AKAP19: variants seen among roughly 807,000 people sequenced by gnomAD.
AKAP19 encodes the protein A-kinase anchoring protein 19.
chr2:190,090,323 G>A, the AKAP19 span, among the ~76,000 whole-genome samples: 4 of 152,184 alleles, frequency 2.6e-5, no homozygotes, highest in Non-Finnish European at 5.9e-5. Flanking sequence ...GTGTATGACT[G>A]CTGAGACTAG....
chr2:189,900,563 G>A, the AKAP19 span, among the ~76,000 whole-genome samples: 2 of 152,098 alleles, frequency 1.3e-5, no homozygotes, highest in East Asian at 1.9e-4. Flanking sequence ...ATGTTAATTA[G>A]TAATTCTATT....
chr2:190,138,162 T>A, the AKAP19 span, among the ~76,000 whole-genome samples: 2 of 152,220 alleles, frequency 1.3e-5, no homozygotes, highest in Non-Finnish European at 2.9e-5. Context: ...TCTGAAAAAT[T>A]CATTCCTGGC....
At chr2:190,007,662 A>G in the AKAP19 span, among the ~76,000 whole-genome samples, 2 of 152,164 alleles carry the variant, frequency 1.3e-5, no homozygotes, top group Non-Finnish European at 2.9e-5. Context: ...AAGCATTAAT[A>G]AGAAATATTG....
chr2:190,065,866 C>T, the AKAP19 span, among the ~76,000 whole-genome samples: 1 of 152,076 alleles, frequency 6.6e-6, no homozygotes, highest in Non-Finnish European at 1.5e-5. Flanking sequence ...AGTTTTATTC[C>T]TTCTCCAGTG....
chr2:190,060,172 G>A, the AKAP19 span: 2 of 1,612,976 alleles, frequency 1.2e-6, no homozygotes, highest in South Asian at 1.1e-5. Flanking sequence ...AGCCAATTTT[G>A]CAACACTGTC....
chr2:190,085,429 T>C, the AKAP19 span, among the ~76,000 whole-genome samples: 30 of 152,302 alleles, frequency 2.0e-4, no homozygotes, highest in Admixed American at 3.9e-4. Flanking sequence ...TACTTAGCAC[T>C]CCAAGAAATA....
At chr2:189,894,878 TAAAGGCCATACTTAAAAACCTTA>T in the AKAP19 span, among the ~76,000 whole-genome samples, 1 of 151,608 alleles carries the variant, frequency 6.6e-6, no homozygotes, top group East Asian at 1.9e-4. Flanking sequence ...ATTTAAAATG[TAAAGGCCATACTTAAAAACCTTA>T]ACCAAAAAGT....
chr2:189,934,823 T>A, the AKAP19 span, among the ~76,000 whole-genome samples: 1 of 151,842 alleles, frequency 6.6e-6, no homozygotes, highest in Non-Finnish European at 1.5e-5. Context: ...ATAATAAATA[T>A]TAGTAGAGCC....
the AKAP19 span, among the ~76,000 whole-genome samples, chr2:190,132,869 T>C: frequency 1.3e-5 from 2 of 152,156 alleles, no homozygotes; most frequent in Non-Finnish European, 2.9e-5. Context: ...GGTGAAGATA[T>C]TTGCAAACCA....
chr2:190,015,718 G>A, the AKAP19 span, among the ~76,000 whole-genome samples: 12 of 152,234 alleles, frequency 7.9e-5, no homozygotes, highest in South Asian at 2.3e-3. Context: ...TCCCTTTTAT[G>A]TATAAGTTCC....
chr2:189,946,484 T>C, the AKAP19 span, among the ~76,000 whole-genome samples: 1,598 of 152,278 alleles, frequency 0.01, 25 homozygotes, highest in African/African-American at 0.037. Flanking sequence ...ATGACCCTAG[T>C]TTTAAAAACA....
chr2:190,103,988 C>T, the AKAP19 span, among the ~76,000 whole-genome samples: 624 of 152,230 alleles, frequency 4.1e-3, no homozygotes, highest in Non-Finnish European at 6.9e-3. Flanking sequence ...CAAAAACAGA[C>T]ACATAGACCA....
At chr2:190,023,140 T>C in the AKAP19 span, among the ~76,000 whole-genome samples, 1 of 152,190 alleles carries the variant, frequency 6.6e-6, no homozygotes, top group Non-Finnish European at 1.5e-5. Context: ...TATTATATGA[T>C]AATTATACAT....
the AKAP19 span, among the ~76,000 whole-genome samples, chr2:190,126,337 G>A: frequency 1.2e-5 from 1 of 84,342 alleles, no homozygotes; most frequent in East Asian, 5.4e-4. Flanking sequence ...TGTATATTTT[G>A]TGCTAGAAAT....
chr2:189,891,869 T>C, the AKAP19 span, among the ~76,000 whole-genome samples: 1 of 152,124 alleles, frequency 6.6e-6, no homozygotes, highest in Non-Finnish European at 1.5e-5. Context: ...TCAGGTACAC[T>C]GATCAAATGT....
chr2:190,133,187 G>A, the AKAP19 span, among the ~76,000 whole-genome samples: 1 of 138,626 alleles, frequency 7.2e-6, no homozygotes, highest in Admixed American at 7.9e-5. Context: ...GCAGTGGGCC[G>A]AGATCACGCC....
At chr2:189,945,351 A>G in the AKAP19 span, among the ~76,000 whole-genome samples, 1 of 152,210 alleles carries the variant, frequency 6.6e-6, no homozygotes, top group South Asian at 2.1e-4. Context: ...CCAGCAGAGA[A>G]TTGGTGCCTT....
At chr2:190,054,849 G>T in the AKAP19 span, among the ~76,000 whole-genome samples, 1 of 152,170 alleles carries the variant, frequency 6.6e-6, no homozygotes, top group South Asian at 2.1e-4. Context: ...AGAGGATGTG[G>T]AGAAATAGGA....
the AKAP19 span, among the ~76,000 whole-genome samples, chr2:190,112,705 A>T: frequency 6.6e-6 from 1 of 152,094 alleles, no homozygotes; most frequent in Non-Finnish European, 1.5e-5. Flanking sequence ...ATACTTGATC[A>T]TGATGTGGTG....
Sources: gnomAD v4.1 joint callset for allele counts (sites outside exome capture counted in the v4.1 genomes callset) on GRCh38, gnomAD v4.1.1 for gene constraint, MANE v1.5 for transcripts, NCBI Gene and HGNC (gene_info 2026-07-23, HGNC 2026-07-21) for gene names.